HIVEP3: variants seen among roughly 807,000 people sequenced by gnomAD.
The protein encoded by HIVEP3 is HIVEP zinc finger 3, also known as transcription factor HIVEP3.
Under a neutral mutation model 152.8 loss-of-function variants are expected in HIVEP3, and 49 were observed. The ratio of observed to expected loss-of-function variants is 0.32; its 90% CI spans 0.26 to 0.41. The LOEUF is 0.41. Ranked by LOEUF, HIVEP3 falls within the 10% of genes least tolerant of loss-of-function variation. HIVEP3 has a pLI of 1.00. For missense variants in HIVEP3, 2,790 were observed against 3,103.3 expected (o/e 0.90, Z 2.40); for synonymous variants, 1,269 against 1,289.0 (o/e 0.98, Z 0.33).
intron 5 of HIVEP3, among the ~76,000 whole-genome samples, chr1:41,569,156 T>G (rs1184073281): frequency 2.0e-5 from 3 of 152,190 alleles, no homozygotes; most frequent in East Asian, 3.8e-4. Flanking sequence ...TGCAGAACCA[T>G]GAGCCAATTA....
chr1:41,960,443 C>A (rs1645163650), intron 1 of HIVEP3, among the ~76,000 whole-genome samples: 1 of 152,160 alleles, frequency 6.6e-6, no homozygotes, highest in Non-Finnish European at 1.5e-5. Context: ...ATGCTCCCCA[C>A]TCCTCCCCCA....
At chr1:41,809,941 T>C (rs535648274) in intron 1 of HIVEP3, among the ~76,000 whole-genome samples, 2 of 152,248 alleles carry the variant, frequency 1.3e-5, no homozygotes, top group South Asian at 4.2e-4. Context: ...AGGAGAGAAA[T>C]ATCCAAACGA....
Position 41,662,577 on chromosome 1 carries a change from C to T in HIVEP3, c.-720-33630G>A, listed in dbSNP as rs926037890. Among the ~76,000 whole-genome samples the T allele has an allele frequency of 1.9e-4, 28 of 151,222 alleles. No homozygotes were observed. Among genetic ancestry groups the T allele is most frequent in the African/African-American group, 6.3e-4 (26 of 41,340 alleles). ...TCGCGGCCGGGGTCGCAGATGGGCC[C>T]GGGCGCGGCTGGCGGCTGCCAGGGG... On this transcript the variant is annotated intron_variant, in intron 2 of 8. Coordinates refer to ENST00000372583, the MANE Select transcript of HIVEP3 (RefSeq NM_024503.5). This position sits in a 1 kb window ranked among gnomAD's most constrained non-coding sequence, Gnocchi z 7.2.
chr1:41,526,721 CCT>C (rs1243339426), intron 5 of HIVEP3, among the ~76,000 whole-genome samples: 2 of 118,558 alleles, frequency 1.7e-5, no homozygotes, highest in Non-Finnish European at 3.6e-5. Flanking sequence ...TCACACACAC[CCT>C]CACACACTCA....
At chr1:41,734,406 A>T (rs931107717) in intron 1 of HIVEP3, among the ~76,000 whole-genome samples, 3 of 152,180 alleles carry the variant, frequency 2.0e-5, no homozygotes, top group South Asian at 4.1e-4. Context: ...ACATACATTC[A>T]GTGACTGGAC....
chr1:41,679,800 C>T (rs1205951597), intron 2 of HIVEP3, among the ~76,000 whole-genome samples: 2 of 152,222 alleles, frequency 1.3e-5, no homozygotes, highest in Admixed American at 1.3e-4. Context: ...ATTTTCTCAC[C>T]AGAAGCCACA....
chr1:41,567,534 T>C (rs1644184895), intron 5 of HIVEP3, among the ~76,000 whole-genome samples: 1 of 152,102 alleles, frequency 6.6e-6, no homozygotes, highest in South Asian at 2.1e-4. Context: ...GGGAGAAGCC[T>C]GAGAATTAAA....
At chr1:41,908,742 A>C (rs1557510714) in intron 1 of HIVEP3, among the ~76,000 whole-genome samples, 1 of 152,250 alleles carries the variant, frequency 6.6e-6, no homozygotes. Context: ...CAAGTTAGTA[A>C]GACGTATTCA....
intron 1 of HIVEP3, among the ~76,000 whole-genome samples, chr1:41,917,568 G>C (rs1386110147): frequency 2.6e-5 from 4 of 152,136 alleles, no homozygotes; most frequent in African/African-American, 7.2e-5. Flanking sequence ...TACGTTAAAG[G>C]AAACCAATGC....
chr1:41,510,247 T>G lies in HIVEP3; in HGVS notation c.*204A>C. On this transcript the variant is annotated 3_prime_UTR_variant, in exon 9 of 9. Transcript: ENST00000372583. ...TTTTTTTTAAATGTATGTATGTGAT[T>G]TGTTTTGTTTCTTTTTAAGCAACAA... is the stretch of plus-strand genomic sequence containing the variant. 2.4e-6 allele frequency: 1 copy of G among 411,226 alleles called. No individual in the cohort carries two copies. Among genetic ancestry groups the G allele is most frequent in the Non-Finnish European group, 4.2e-6 (1 of 235,696 alleles). 25.5% of individuals were successfully genotyped at this position (411,226 alleles called of 1,614,324 possible).
chr1:41,549,027 C>A (rs1453825672), intron 5 of HIVEP3, among the ~76,000 whole-genome samples: 1 of 151,798 alleles, frequency 6.6e-6, no homozygotes, highest in Non-Finnish European at 1.5e-5. Context: ...CTCCCCCTGC[C>A]CCCCACCCCC....
At chr1:41,607,350 T>C (rs1452636190) in intron 3 of HIVEP3, among the ~76,000 whole-genome samples, 1 of 152,250 alleles carries the variant, frequency 6.6e-6, no homozygotes, top group Non-Finnish European at 1.5e-5. Flanking sequence ...TCTTCATGCA[T>C]ATCCATTGTG....
chr1:41,915,463 T>G (rs1406097141), intron 1 of HIVEP3, among the ~76,000 whole-genome samples: 2 of 152,244 alleles, frequency 1.3e-5, no homozygotes, highest in Non-Finnish European at 2.9e-5. Flanking sequence ...TATCAGTTGC[T>G]TCCAATTTGC....
At chr1:41,845,458 C>T (rs893495737) in intron 1 of HIVEP3, among the ~76,000 whole-genome samples, 3 of 140,464 alleles carry the variant, frequency 2.1e-5, no homozygotes, top group East Asian at 2.0e-4. Flanking sequence ...CACACACACA[C>T]GCCTCTTTCT....
At chr1:41,674,269 A>T (rs1645920869) in intron 2 of HIVEP3, among the ~76,000 whole-genome samples, 1 of 152,262 alleles carries the variant, frequency 6.6e-6, no homozygotes, top group Admixed American at 6.5e-5. Flanking sequence ...GGAAGGAGGC[A>T]TCAAGGAACC....
At chr1:41,554,163 T>C (rs544627463) in intron 5 of HIVEP3, among the ~76,000 whole-genome samples, 136 of 152,386 alleles carry the variant, frequency 8.9e-4, no homozygotes, top group Non-Finnish European at 2.6e-4. Context: ...TCTTTTCACA[T>C]AGTCCCATAT....
At chr1:41,527,075 T>A (rs868367605) in intron 5 of HIVEP3, among the ~76,000 whole-genome samples, 1 of 19,308 alleles carries the variant, frequency 5.2e-5, no homozygotes, top group African/African-American at 2.1e-4. Flanking sequence ...CACATGCTCA[T>A]CCTCACACAC....
chr1:41,960,310 T>A lies in HIVEP3; in HGVS notation n.120-41786A>T, dbSNP rs79074538. On this transcript the variant is annotated intron_variant and non_coding_transcript_variant, in intron 1 of 3. Transcript: ENST00000489103. ...ACCCAAAAATTCTGACCAAGAAGAA[T>A]CCTGCAGAAGTTATCAGAAGATAGA... 8.2e-3 allele frequency among the ~76,000 whole-genome samples: 1,248 copies of A among 152,212 alleles called. 19 individuals carry two copies. Among genetic ancestry groups the A allele is most frequent in the African/African-American group, 0.029 (1,204 of 41,516 alleles).
chr1:41,516,190 G>GGCCCCA (rs1558019168), intron 7 of HIVEP3, among the ~76,000 whole-genome samples: 1 of 5,512 alleles, frequency 1.8e-4, no homozygotes, highest in African/African-American at 1.9e-4. Flanking sequence ...GGGCGGCCCC[G>GGCCCCA]CCCCTGCTGG....
Sources: allele counts gnomAD v4.1 joint callset (sites outside exome capture counted in the v4.1 genomes callset), GRCh38; gene constraint gnomAD v4.1.1; non-coding constraint Gnocchi (gnomAD v3.1); transcripts MANE v1.5; gene names NCBI Gene and HGNC (gene_info 2026-07-23, HGNC 2026-07-21).